Variants in CSRP3 observed in about 807,000 individuals in gnomAD.
CSRP3 encodes the protein cysteine and glycine-rich protein 3.
Under a neutral mutation model 24.3 loss-of-function variants are expected in CSRP3, and 24 were observed. That is an observed-to-expected ratio of 0.99 (90% CI 0.71 to 1.39). CSRP3 has a LOEUF of 1.39. Among genes scored for constraint, CSRP3 ranks in the 40% most tolerant of loss-of-function variants. The pLI is 0.00. For synonymous variants in CSRP3, 105 were observed against 94.0 expected (o/e 1.12, Z -0.68); for missense variants, 240 against 249.0 (o/e 0.96, Z 0.24).
At chr11:19,184,885 G>C (rs1391985876) in intron 5 of CSRP3, 67 bp downstream of exon 5, 1 of 1,195,922 alleles carries the variant, frequency 8.4e-7, no homozygotes, top group Non-Finnish European at 1.3e-6. Context: ...AGGCATGAAC[G>C]TAATTTCCTC....
chr11:19,199,327 A>G (rs1445462669), intron 1 of CSRP3, among the ~76,000 whole-genome samples: 1 of 152,142 alleles, frequency 6.6e-6, no homozygotes, highest in Non-Finnish European at 1.5e-5. Flanking sequence ...GCCCAGGAAG[A>G]ACAGGTTGCT....
intron 3 of CSRP3, among the ~76,000 whole-genome samples, chr11:19,186,775 T>A (rs1850533379): frequency 6.6e-6 from 1 of 152,236 alleles, no homozygotes; most frequent in African/African-American, 2.4e-5. Context: ...AGGTGGGATT[T>A]TGACAATGGG....
intron 1 of CSRP3, chr11:19,196,747 C>T (rs952718447): frequency 6.6e-6 from 1 of 152,206 alleles, no homozygotes; most frequent in East Asian, 1.9e-4. Context: ...CATCATACCA[C>T]CTGGCACGAC....
At chr11:19,199,947 C>T (rs1590110380) in intron 1 of CSRP3, among the ~76,000 whole-genome samples, 1 of 152,230 alleles carries the variant, frequency 6.6e-6, no homozygotes, top group Non-Finnish European at 1.5e-5. Flanking sequence ...AATCTGTCTG[C>T]CTCAAGACTT....
intron 1 of CSRP3, among the ~76,000 whole-genome samples, chr11:19,197,822 CATATAT>C (rs5790061): frequency 5.3e-5 from 8 of 150,730 alleles, no homozygotes; most frequent in African/African-American, 1.5e-4. Context: ...ATCATAGGAA[CATATAT>C]ATATATATAT....
chr11:19,192,911 C>T (rs570716919), intron 1 of CSRP3, among the ~76,000 whole-genome samples: 3 of 152,086 alleles, frequency 2.0e-5, no homozygotes, highest in Admixed American at 1.3e-4. Flanking sequence ...TCACCTTAGA[C>T]CTTGCTAAAT....
At chr11:19,200,332 A>G (rs916166074) in intron 1 of CSRP3, among the ~76,000 whole-genome samples, 3 of 152,116 alleles carry the variant, frequency 2.0e-5, no homozygotes, top group Non-Finnish European at 2.9e-5. Flanking sequence ...GATTATCTTT[A>G]TTTTCTTCTT....
intron 1 of CSRP3, among the ~76,000 whole-genome samples, chr11:19,197,755 T>A (rs144342164): frequency 6.6e-6 from 1 of 151,676 alleles, no homozygotes; most frequent in Non-Finnish European, 1.5e-5. Flanking sequence ...TCCTACTAGA[T>A]GCCTGATTTC....
chr11:19,193,249 T>C (rs1265489091), intron 1 of CSRP3, among the ~76,000 whole-genome samples: 1 of 152,222 alleles, frequency 6.6e-6, no homozygotes, highest in Non-Finnish European at 1.5e-5. Flanking sequence ...ATAGCTTAAC[T>C]TTATACCTGT....
intron 5 of CSRP3, 132 bp downstream of exon 5, chr11:19,184,820 C>T (rs1415448490): frequency 1.3e-6 from 1 of 757,874 alleles, no homozygotes; most frequent in Non-Finnish European, 2.4e-6. Context: ...TCCTGAGAAC[C>T]CAACGCTGCC....
At position 19,182,322 on chromosome 11, in the gene CSRP3, A is replaced by C; in HGVS notation, c.*348T>G. On this transcript the variant is annotated 3_prime_UTR_variant, in exon 6 of 6. Transcript: ENST00000265968. ...CACTCCTTTCTCAGTTGACATCCAA[A>C]TTTATTATATGCTCTGCAACTCGTT... is the stretch of plus-strand genomic sequence containing the variant. 4.0e-6 allele frequency: 1 copy of C among 252,138 alleles called. No homozygotes were observed. The highest frequency in any genetic ancestry group is 4.8e-5 in the Admixed American group (1 of 20,774). The allele number at this position is 252,138 out of a possible 1,614,324, so 15.6% of individuals were successfully genotyped here.
intron 1 of CSRP3, among the ~76,000 whole-genome samples, chr11:19,197,546 T>TCTTTCTTTCTTTCTTG (rs1565055658): frequency 2.9e-5 from 4 of 139,232 alleles, no homozygotes; most frequent in Non-Finnish European, 4.6e-5. Flanking sequence ...TTTCTTTCTT[T>TCTTTCTTTCTTTCTTG]CTTTCTTTCT....
At chr11:19,188,331 A>G in intron 2 of CSRP3, 27 bp from the exon 3 acceptor site, 1 of 1,610,842 alleles carries the variant, frequency 6.2e-7, no homozygotes, top group Non-Finnish European at 8.5e-7. Context: ...GGGTCATGGG[A>G]TTGGAATTGA....
At chr11:19,183,210 T>G (rs1270640310) in intron 5 of CSRP3, among the ~76,000 whole-genome samples, 1 of 152,132 alleles carries the variant, frequency 6.6e-6, no homozygotes, top group Non-Finnish European at 1.5e-5. Flanking sequence ...TTAAAATAAA[T>G]TTAACAATAC....
chr11:19,184,016 G>T (rs985669232), intron 5 of CSRP3, among the ~76,000 whole-genome samples: 1 of 152,132 alleles, frequency 6.6e-6, no homozygotes, highest in African/African-American at 2.4e-5. Flanking sequence ...CCATGATTGC[G>T]AGGCCTCCCC....
intron 3 of CSRP3, 38 bp downstream of exon 3, chr11:19,188,098 G>A: frequency 1.9e-6 from 3 of 1,611,986 alleles, no homozygotes; most frequent in Non-Finnish European, 1.7e-6. Context: ...GATAATTGGA[G>A]ACTTTAACAG....
Position 19,188,252 on chromosome 11 carries a change from CTCCG to C in CSRP3, c.161_164del (p.Ser54Ter). 6.2e-7 allele frequency: 1 copy of C among 1,613,190 alleles called. No homozygotes were observed. The highest frequency in any genetic ancestry group is 8.5e-7 in the Non-Finnish European group (1 of 1,180,018). The stretch of plus-strand genomic sequence containing the variant: ...GCCCATAGCACACCTTGCAGTAGAT[CTCCG>C]ACTCATGAGCCGCGACTGTCGTGCT... On this transcript the variant is annotated frameshift_variant, in exon 3 of 6. Transcript: ENST00000265968. LOFTEE classifies it high-confidence loss of function.
In CSRP3 at chr11:19,186,361, G is replaced by C; in HGVS notation, c.282-13C>G. On this transcript the variant is annotated splice_polypyrimidine_tract_variant and intron_variant, in intron 3 of 5. Transcript: ENST00000265968. ...CGGCTTTGGGGACCTGTTGGAAATA[G>C]ACGAATGAATGAAACGTAGATTTCC... 1 of 1,614,198 alleles carries C rather than the reference G, an allele frequency of 6.2e-7. No homozygotes were observed. The highest frequency in any genetic ancestry group is 1.3e-5 in the African/African-American group (1 of 75,046).
At chr11:19,191,555 T>A (rs1445151537) in intron 2 of CSRP3, among the ~76,000 whole-genome samples, 1 of 152,186 alleles carries the variant, frequency 6.6e-6, no homozygotes, top group Non-Finnish European at 1.5e-5. Flanking sequence ...AATGCAGTCA[T>A]GTCAAAGAGC....
Sources: allele counts gnomAD v4.1 joint callset (sites outside exome capture counted in the v4.1 genomes callset), GRCh38; gene constraint gnomAD v4.1.1; transcripts MANE v1.5; gene names NCBI Gene and HGNC (gene_info 2026-07-23, HGNC 2026-07-21).